Variants in SPG7 observed in about 807,000 individuals in gnomAD.
SPG7 encodes mitochondrial inner membrane m-AAA protease component paraplegin.
A neutral mutation model predicts 81.9 loss-of-function variants in SPG7; 103 were observed. That is an observed-to-expected ratio of 1.26 (90% CI 1.07 to 1.48). The LOEUF (loss-of-function observed/expected upper bound fraction) is 1.48. Among genes scored for constraint, SPG7 ranks in the 40% most tolerant of loss-of-function variants. The probability of loss-of-function intolerance (pLI) is 0.00; values close to 1 mark genes in which losing one functional copy is unlikely to be tolerated. For missense variants in SPG7, 1,241 were observed against 1,087.3 expected (o/e 1.14, Z -1.99); for synonymous variants, 534 against 444.2 (o/e 1.20, Z -2.54).
chr16:89,511,770 G>T (rs1173658633), intron 2 of SPG7, among the ~76,000 whole-genome samples: 1 of 152,114 alleles, frequency 6.6e-6, no homozygotes, highest in Non-Finnish European at 1.5e-5. Flanking sequence ...GTCTTGCCCT[G>T]TTGCCCAGGT....
intron 9 of SPG7, chr16:89,537,503 G>C: frequency 1.1e-5 from 11 of 995,778 alleles, no homozygotes; most frequent in South Asian, 4.5e-5. Flanking sequence ...GCCACACACA[G>C]AAAAGGCTGC....
intron 5 of SPG7, among the ~76,000 whole-genome samples, chr16:89,527,620 A>T (rs2058281823): frequency 6.6e-6 from 1 of 152,210 alleles, no homozygotes; most frequent in African/African-American, 2.4e-5. Flanking sequence ...TGAAATTCTC[A>T]TTTCAGTGTT....
chr16:89,523,760 T>C (rs77381048), intron 3 of SPG7: 6 of 656,716 alleles, frequency 9.1e-6, no homozygotes, highest in East Asian at 6.1e-5. Flanking sequence ...GGTTTCCTCT[T>C]AGGTGGGAAC....
rs1013815944 is a variant in SPG7 at position 89,556,871 on chromosome 16, T to C, written c.2182-16T>C. On this transcript the variant is annotated splice_polypyrimidine_tract_variant and intron_variant, in intron 16 of 16. Coordinates refer to ENST00000645818, the MANE Select transcript of SPG7 (RefSeq NM_003119.4). The stretch of plus-strand genomic sequence containing the variant: ...TGCCCTGGGGACTCACACACTGCTA[T>C]GCCTGTTCTTTCTAGCTGGCAAACG... The C allele has an allele frequency of 5.0e-6, 8 of 1,602,840 alleles. No homozygotes were observed. Among genetic ancestry groups the C allele is most frequent in the Non-Finnish European group, 4.3e-6 (5 of 1,170,124 alleles).
intron 15 of SPG7, 110 bp downstream of exon 15, chr16:89,554,070 G>A: frequency 8.5e-7 from 1 of 1,173,178 alleles, no homozygotes; most frequent in African/African-American, 1.5e-5. Flanking sequence ...TCAGCTGCAG[G>A]CCCCACCTGG....
intron 9 of SPG7, chr16:89,539,683 C>G (rs970018511): frequency 6.6e-6 from 1 of 152,112 alleles, no homozygotes; most frequent in Non-Finnish European, 1.5e-5. Context: ...CCTCCCGTCT[C>G]AGCCTCCTGA....
chr16:89,550,242 G>T, intron 12 of SPG7: 1 of 434,268 alleles, frequency 2.3e-6, no homozygotes, highest in African/African-American at 2.0e-5. Context: ...GCATGATCTT[G>T]CCCTACTGTA....
chr16:89,516,436 A>G (rs2058097565), intron 3 of SPG7, among the ~76,000 whole-genome samples: 1 of 151,954 alleles, frequency 6.6e-6, no homozygotes, highest in African/African-American at 2.4e-5. Context: ...TTGTAATCCC[A>G]GCTACTCCGG....
intron 1 of SPG7, among the ~76,000 whole-genome samples, chr16:89,509,537 AC>A (rs1312570431): frequency 1.3e-5 from 2 of 151,986 alleles, no homozygotes; most frequent in African/African-American, 2.4e-5. Context: ...GGCGTGAGCC[AC>A]CGCGCCCGGC....
At chr16:89,546,059 A>G (rs912711753) in intron 10 of SPG7, 1 of 318,030 alleles carries the variant, frequency 3.1e-6, no homozygotes, top group Non-Finnish European at 6.1e-6. Context: ...GCCTCAAGTG[A>G]TCCCCACCCA....
At chr16:89,512,172 A>G (rs998152689) in intron 2 of SPG7, among the ~76,000 whole-genome samples, 1 of 151,936 alleles carries the variant, frequency 6.6e-6, no homozygotes, top group African/African-American at 2.4e-5. Context: ...CGGCCTCCCA[A>G]AGTGCTGGGA....
At chr16:89,544,520 G>A in intron 9 of SPG7, 128 bp from the exon 10 acceptor site, 1 of 1,060,690 alleles carries the variant, frequency 9.4e-7, no homozygotes, top group African/African-American at 1.6e-5. Context: ...GAAGGACCGG[G>A]CTGTTCCTTT....
chr16:89,552,897 G>C lies in SPG7; in HGVS notation c.1780-82G>C. The C allele has an allele frequency of 2.2e-6, 3 of 1,364,096 alleles. No homozygotes were observed. The Middle Eastern group carries it at 7.6e-4, about 343-fold the overall frequency. 84.5% of individuals were successfully genotyped at this position (1,364,096 alleles called of 1,614,324 possible). ...TCCTGCTTTGAGACGCTTTAATGAC[G>C]GAGACCTCTTAGTCCCACACCTTCC... On this transcript the variant is annotated intron_variant, in intron 13 of 16. Transcript: ENST00000645818.
chr16:89,537,559 T>C, intron 9 of SPG7: 1 of 990,088 alleles, frequency 1.0e-6, no homozygotes. Flanking sequence ...AGAGACAGGG[T>C]GTCGTTCTGT....
chr16:89,531,622 C>A, intron 7 of SPG7: 1 of 457,260 alleles, frequency 2.2e-6, no homozygotes, highest in Admixed American at 3.4e-5. Flanking sequence ...TACGCGCCTG[C>A]CTCAGCCTCC....
intron 3 of SPG7, among the ~76,000 whole-genome samples, chr16:89,516,087 C>T (rs1209067912): frequency 6.6e-6 from 1 of 150,960 alleles, no homozygotes; most frequent in African/African-American, 2.4e-5. Context: ...TCCTGGGTTC[C>T]AGTGATTCTC....
At chr16:89,528,097 G>A (rs2058288630) in intron 5 of SPG7, among the ~76,000 whole-genome samples, 1 of 147,898 alleles carries the variant, frequency 6.8e-6, no homozygotes, top group South Asian at 2.2e-4. Flanking sequence ...ATGGACAGAA[G>A]GTGGAGGTTT....
At chr16:89,516,279 C>G (rs763483117) in intron 3 of SPG7, among the ~76,000 whole-genome samples, 6 of 151,886 alleles carry the variant, frequency 4.0e-5, no homozygotes, top group African/African-American at 1.2e-4. Flanking sequence ...TGAGCCACCA[C>G]GCCCGGCCGT....
intron 5 of SPG7, 125 bp from the exon 6 acceptor site, chr16:89,529,352 G>A (rs555718158): frequency 2.2e-5 from 16 of 716,514 alleles, no homozygotes; most frequent in African/African-American, 8.7e-5. Flanking sequence ...TCTGCGCATC[G>A]GTCCCAGACG....
Sources: allele counts gnomAD v4.1 joint callset (sites outside exome capture counted in the v4.1 genomes callset), GRCh38; gene constraint gnomAD v4.1.1; transcripts MANE v1.5; gene names NCBI Gene and HGNC (gene_info 2026-07-23, HGNC 2026-07-21).